BCL2: variants seen among roughly 807,000 people sequenced by gnomAD.
BCL2 encodes apoptosis regulator Bcl-2.
Under a neutral mutation model 14.2 loss-of-function variants are expected in BCL2, and 1 was observed. The observed-to-expected ratio is 0.07, with a 90% CI of 0.02 to 0.33. The LOEUF (loss-of-function observed/expected upper bound fraction) is 0.33. Ranked by LOEUF, BCL2 falls within the 10% of genes least tolerant of loss-of-function variation. The pLI is 0.99. For synonymous variants in BCL2, 151 were observed against 137.2 expected, an observed-to-expected ratio of 1.10 and a Z score of -0.70; for missense variants, 247 against 305.9, an observed-to-expected ratio of 0.81 and a Z score of 1.44.
intron 2 of BCL2, among the ~76,000 whole-genome samples, chr18:63,139,318 T>C (rs1914295800): frequency 6.6e-6 from 1 of 152,254 alleles, no homozygotes; most frequent in Admixed American, 6.5e-5. Flanking sequence ...TGCTATTTGG[T>C]TCACCAGGTT....
At chr18:63,188,238 T>C (rs1246590489) in intron 2 of BCL2, among the ~76,000 whole-genome samples, 1 of 152,172 alleles carries the variant, frequency 6.6e-6, no homozygotes, top group African/African-American at 2.4e-5. Flanking sequence ...CAGAATGACA[T>C]ATGGAAATAG....
At chr18:63,302,301 CAAAA>C in intron 2 of BCL2, 1 of 827,040 alleles carries the variant, frequency 1.2e-6, no homozygotes, top group Non-Finnish European at 1.4e-6. Flanking sequence ...AACTCCTTCT[CAAAA>C]AAAAAAAAAA....
intron 2 of BCL2, among the ~76,000 whole-genome samples, chr18:63,175,546 AC>A (rs529344005): frequency 2.0e-3 from 299 of 152,340 alleles, no homozygotes; most frequent in African/African-American, 6.2e-3. Flanking sequence ...TTGGTGCTAA[AC>A]CTGTTTTACC....
chr18:63,262,655 C>T (rs1247399585), intron 2 of BCL2, among the ~76,000 whole-genome samples: 2 of 152,150 alleles, frequency 1.3e-5, no homozygotes, highest in Admixed American at 1.3e-4. Context: ...TGACACAGGC[C>T]ACTCACTGCA....
intron 2 of BCL2, among the ~76,000 whole-genome samples, chr18:63,142,182 T>C (rs898652640): frequency 6.6e-6 from 1 of 152,202 alleles, no homozygotes; most frequent in Non-Finnish European, 1.5e-5. Context: ...AGAACCTGCA[T>C]GTCCTAATAG....
rs551134309 is a variant in BCL2 at position 63,245,590 on chromosome 18, A to G, written c.585+72492T>C. Among the ~76,000 whole-genome samples the G allele has an allele frequency of 3.9e-5, 6 of 152,366 alleles. No individual in the cohort carries two copies. In the East Asian group the frequency reaches 1.2e-3, roughly 29 times the overall value. On this transcript the variant is annotated intron_variant, in intron 2 of 2. Coordinates refer to ENST00000333681, the MANE Select transcript of BCL2 (RefSeq NM_000633.3). ...CGGTGGTGGTTACAGGAATCTAGAC[A>G]TGGGGTGAGATACACACACACATAC... is the stretch of plus-strand genomic sequence containing the variant.
chr18:63,198,772 CACACAGACACAGAG>C (rs1256746492), intron 2 of BCL2, among the ~76,000 whole-genome samples: 2 of 139,022 alleles, frequency 1.4e-5, no homozygotes, highest in African/African-American at 2.6e-5. Context: ...GACACAGAGA[CACACAGACACAGAG>C]ACACAGACAC....
intron 2 of BCL2, among the ~76,000 whole-genome samples, chr18:63,309,044 C>T (rs563525937): frequency 1.3e-5 from 2 of 152,268 alleles, no homozygotes; most frequent in East Asian, 1.9e-4. Context: ...ACTAATTTGA[C>T]TCAAGTTGAA....
At chr18:63,218,361 T>C (rs1056416831) in intron 2 of BCL2, among the ~76,000 whole-genome samples, 1 of 152,004 alleles carries the variant, frequency 6.6e-6, no homozygotes, top group Non-Finnish European at 1.5e-5. Context: ...ACCCTCAATG[T>C]CTCTCCCTAC....
At chr18:63,281,509 A>G (rs1169203118) in intron 2 of BCL2, among the ~76,000 whole-genome samples, 3 of 151,924 alleles carry the variant, frequency 2.0e-5, no homozygotes, top group Non-Finnish European at 4.4e-5. Context: ...CTACAAAAAA[A>G]TACAAAAATT....
At chr18:63,170,256 C>T (rs1369188230) in intron 2 of BCL2, among the ~76,000 whole-genome samples, 1 of 152,040 alleles carries the variant, frequency 6.6e-6, no homozygotes, top group Non-Finnish European at 1.5e-5. Context: ...TGTGAGCTCT[C>T]ATACTAATGA....
chr18:63,259,653 C>T (rs1248773751), intron 2 of BCL2, among the ~76,000 whole-genome samples: 1 of 152,248 alleles, frequency 6.6e-6, no homozygotes, highest in Non-Finnish European at 1.5e-5. Context: ...ACCTTACCCA[C>T]CTACGTGGTT....
intron 2 of BCL2, among the ~76,000 whole-genome samples, chr18:63,144,978 G>A (rs1484641892): frequency 6.6e-6 from 1 of 152,234 alleles, no homozygotes; most frequent in Non-Finnish European, 1.5e-5. Flanking sequence ...TGCTAGGGCT[G>A]CACGTGCCAT....
intron 2 of BCL2, among the ~76,000 whole-genome samples, chr18:63,228,382 G>A (rs1910602841): frequency 1.3e-5 from 2 of 152,168 alleles, no homozygotes; most frequent in African/African-American, 2.4e-5. Context: ...ACTAATCCAA[G>A]AGCTGCCCAC....
intron 2 of BCL2, among the ~76,000 whole-genome samples, chr18:63,185,724 G>A (rs1915580449): frequency 6.6e-6 from 1 of 152,160 alleles, no homozygotes; most frequent in Non-Finnish European, 1.5e-5. Flanking sequence ...AACCCTATGA[G>A]GTAGGTACTA....
intron 2 of BCL2, among the ~76,000 whole-genome samples, chr18:63,130,756 G>A (rs117747496): frequency 0.013 from 1,955 of 152,132 alleles, 28 homozygotes; most frequent in Non-Finnish European, 0.014. Context: ...ATATATTTTT[G>A]TATATAAATT....
chr18:63,172,849 A>T (rs920036303), intron 2 of BCL2, among the ~76,000 whole-genome samples: 5 of 152,332 alleles, frequency 3.3e-5, no homozygotes, highest in African/African-American at 7.2e-5. Flanking sequence ...TGAAAATGTA[A>T]AAGTATTCAA....
chr18:63,189,174 C>T (rs564030496), intron 2 of BCL2, among the ~76,000 whole-genome samples: 68 of 143,550 alleles, frequency 4.7e-4, no homozygotes, highest in African/African-American at 1.7e-3. Context: ...AATTTACCCT[C>T]CCATTAACAG....
chr18:63,312,751 T>C (rs2144309645), intron 2 of BCL2, among the ~76,000 whole-genome samples: 1 of 152,382 alleles, frequency 6.6e-6, no homozygotes. Flanking sequence ...ATACAAGAGT[T>C]ATTTAAGAAA....
Sources: gnomAD v4.1 joint callset for allele counts (sites outside exome capture counted in the v4.1 genomes callset) on GRCh38, gnomAD v4.1.1 for gene constraint, MANE v1.5 for transcripts, NCBI Gene and HGNC (gene_info 2026-07-23, HGNC 2026-07-21) for gene names.